Variants in SERPINI1 observed in about 807,000 individuals in gnomAD.
The protein encoded by SERPINI1 is neuroserpin.
SERPINI1 carries 19 observed loss-of-function variants against 41.1 expected under a neutral mutation model. The ratio of observed to expected loss-of-function variants is 0.46; its 90% confidence interval spans 0.32 to 0.68. SERPINI1 has a LOEUF of 0.68. Among genes scored for constraint, SERPINI1 ranks in the 30% least tolerant of loss-of-function variants. The pLI, the probability that SERPINI1 is intolerant of heterozygous loss-of-function variation, is 0.03. For synonymous variants in SERPINI1, 138 were observed against 156.6 expected (o/e 0.88, Z 0.89); for missense variants, 460 against 479.2 (o/e 0.96, Z 0.37).
intron 1 of SERPINI1, among the ~76,000 whole-genome samples, chr3:167,738,651 T>C (rs1223200114): frequency 6.6e-6 from 1 of 151,946 alleles, no homozygotes; most frequent in Admixed American, 6.6e-5. Context: ...ATTACTTTTC[T>C]AAGTAAAATT....
Position 167,760,086 on chromosome 3 carries a change from C to T in SERPINI1, c.-19+24263C>T, listed in dbSNP as rs74517549. Among the ~76,000 whole-genome samples, 475 of 152,126 alleles carry T rather than the reference C, an allele frequency of 3.1e-3. 2 individuals are homozygous for T. The highest frequency in any genetic ancestry group is 0.011 in the African/African-American group (448 of 41,516). ...CTGTTTCTCATCATACCTTTGAACACGTGTACATATATGAAAATAGATATG... is the reference window on the plus strand; with the variant it reads ...CTGTTTCTCATCATACCTTTGAACATGTGTACATATATGAAAATAGATATG... On this transcript the variant is annotated intron_variant, in intron 1 of 8. Coordinates refer to ENST00000446050, the MANE Select transcript of SERPINI1 (RefSeq NM_001122752.2).
At chr3:167,749,120 T>A (rs1483684472) in intron 1 of SERPINI1, among the ~76,000 whole-genome samples, 2 of 152,232 alleles carry the variant, frequency 1.3e-5, no homozygotes, top group South Asian at 2.1e-4. Context: ...TATTGATATA[T>A]CACTATTTTG....
chr3:167,818,670 G>GTCCC (rs1712209425), intron 6 of SERPINI1, among the ~76,000 whole-genome samples: 1 of 151,750 alleles, frequency 6.6e-6, no homozygotes, highest in Non-Finnish European at 1.5e-5. Flanking sequence ...TCTTTCTGCC[G>GTCCC]TAAGTACCTT....
At chr3:167,773,839 T>G (rs1726872778) in intron 1 of SERPINI1, among the ~76,000 whole-genome samples, 1 of 152,220 alleles carries the variant, frequency 6.6e-6, no homozygotes, top group Admixed American at 6.5e-5. Context: ...ACACATTCTT[T>G]GTTACTTTGA....
intron 6 of SERPINI1, among the ~76,000 whole-genome samples, chr3:167,818,263 G>A (rs536989438): frequency 2.0e-5 from 3 of 149,116 alleles, no homozygotes; most frequent in Non-Finnish European, 4.5e-5. Flanking sequence ...CCTGACCTCA[G>A]GTTATCTGCC....
At chr3:167,740,792 A>C (rs925419365) in intron 1 of SERPINI1, among the ~76,000 whole-genome samples, 1 of 152,166 alleles carries the variant, frequency 6.6e-6, no homozygotes, top group African/African-American at 2.4e-5. Flanking sequence ...TTTGGGGTTT[A>C]TGTGGTCCTT....
intron 1 of SERPINI1, among the ~76,000 whole-genome samples, chr3:167,766,223 C>CT (rs1726562410): frequency 1.0e-5 from 1 of 97,174 alleles, no homozygotes; most frequent in Non-Finnish European, 2.0e-5. Context: ...GGCAATTTAC[C>CT]TAAAAAAAAA....
At chr3:167,790,337 T>C (rs1372766083) in intron 2 of SERPINI1, 35 bp from the exon 3 acceptor site, 1 of 1,459,394 alleles carries the variant, frequency 6.9e-7, no homozygotes, top group Non-Finnish European at 9.6e-7. Flanking sequence ...ACCGTGTTTG[T>C]TCTACAAATA....
rs577657137 is a variant in SERPINI1 at position 167,775,434 on chromosome 3, A to G, written c.-18-13677A>G. Among the ~76,000 whole-genome samples, 211 of 151,708 alleles carry G rather than the reference A, an allele frequency of 1.4e-3. 1 individual carries two copies. Among genetic ancestry groups the G allele is most frequent in the Non-Finnish European group, 2.3e-3 (159 of 67,920 alleles). ...GCCACCACGCCCGGCTAATTTTTGTATTTTTAGTAGAGATGGGCTTCACCT... is the reference window on the plus strand; with the variant it reads ...GCCACCACGCCCGGCTAATTTTTGTGTTTTTAGTAGAGATGGGCTTCACCT... On this transcript the variant is annotated intron_variant, in intron 1 of 8. Coordinates refer to ENST00000446050, the MANE Select transcript of SERPINI1 (RefSeq NM_001122752.2).
At chr3:167,793,119 C>T (rs1727584877) in intron 4 of SERPINI1, among the ~76,000 whole-genome samples, 1 of 152,126 alleles carries the variant, frequency 6.6e-6, no homozygotes, top group South Asian at 2.1e-4. Flanking sequence ...TTCCACGAAG[C>T]ACTTGATTTA....
At chr3:167,784,900 A>G (rs1727259302) in intron 1 of SERPINI1, among the ~76,000 whole-genome samples, 1 of 152,200 alleles carries the variant, frequency 6.6e-6, no homozygotes, top group Admixed American at 6.5e-5. Flanking sequence ...ATAGATACCT[A>G]GGAAACATTT....
intron 1 of SERPINI1, among the ~76,000 whole-genome samples, chr3:167,769,873 T>G (rs1274423998): frequency 1.3e-5 from 2 of 152,088 alleles, no homozygotes; most frequent in Non-Finnish European, 2.9e-5. Flanking sequence ...GAATTTTGGT[T>G]GATTTTTTTA....
chr3:167,810,422 T>TA (rs1711830537), intron 6 of SERPINI1, among the ~76,000 whole-genome samples: 1 of 152,312 alleles, frequency 6.6e-6, no homozygotes, highest in Non-Finnish European at 1.5e-5. Context: ...AATATTCCAA[T>TA]AAAATGAGTC....
rs1240662331 is a variant in SERPINI1, at chr3:167,745,900, A to G, written c.-19+10077A>G. Among the ~76,000 whole-genome samples, 6 of 152,280 alleles carry G rather than the reference A, an allele frequency of 3.9e-5. 1 individual carries two copies. Among genetic ancestry groups the G allele is most frequent in the Non-Finnish European group, 1.5e-5 (1 of 67,974 alleles). On this transcript the variant is annotated intron_variant, in intron 1 of 8. Coordinates refer to ENST00000446050, the MANE Select transcript of SERPINI1 (RefSeq NM_001122752.2). Reference sequence around the variant, plus strand: ...CACCAAATGATGTACAAAACATCACAAAGAAATTAAAGAAGACCTAAGTAA... The same window carrying G: ...CACCAAATGATGTACAAAACATCACGAAGAAATTAAAGAAGACCTAAGTAA...
At chr3:167,740,014 C>A in intron 1 of SERPINI1, among the ~76,000 whole-genome samples, 1 of 131,182 alleles carries the variant, frequency 7.6e-6, no homozygotes, top group Non-Finnish European at 1.6e-5. Context: ...ATTAACCTGC[C>A]TTTTTCTTTT....
At chr3:167,795,185 T>G (rs1212039478) in intron 5 of SERPINI1, among the ~76,000 whole-genome samples, 1 of 152,164 alleles carries the variant, frequency 6.6e-6, no homozygotes, top group Non-Finnish European at 1.5e-5. Context: ...TTGACAGTCT[T>G]CTGTATTTTA....
intron 5 of SERPINI1, among the ~76,000 whole-genome samples, chr3:167,795,835 A>C: frequency 6.6e-6 from 1 of 152,184 alleles, no homozygotes; most frequent in East Asian, 1.9e-4. Flanking sequence ...TGAATACCTT[A>C]AAACCTAGTA....
At chr3:167,738,440 GAC>G (rs1409099808) in intron 1 of SERPINI1, among the ~76,000 whole-genome samples, 1 of 152,082 alleles carries the variant, frequency 6.6e-6, no homozygotes, top group Non-Finnish European at 1.5e-5. Flanking sequence ...AAAAGAGCAA[GAC>G]TTAAAGGTTC....
At chr3:167,807,021 A>G (rs1011471385) in intron 5 of SERPINI1, among the ~76,000 whole-genome samples, 7 of 152,078 alleles carry the variant, frequency 4.6e-5, no homozygotes, top group African/African-American at 1.7e-4. Flanking sequence ...TATATCATAT[A>G]TTTTCCTACT....
Sources: allele counts gnomAD v4.1 joint callset (sites outside exome capture counted in the v4.1 genomes callset), GRCh38; gene constraint gnomAD v4.1.1; transcripts MANE v1.5; gene names NCBI Gene and HGNC (gene_info 2026-07-23, HGNC 2026-07-21).